Variants in ERG observed in about 807,000 individuals in gnomAD.
ERG encodes the protein ETS transcription factor ERG, also known as transcriptional regulator ERG.
ERG carries 9 observed loss-of-function variants against 55.3 expected under a neutral mutation model. The ratio of observed to expected loss-of-function variants is 0.16; its 90% CI spans 0.10 to 0.28. ERG has a LOEUF of 0.28. ERG is among the 10% of genes least tolerant of loss of function. The pLI is 1.00. For missense variants in ERG, 434 were observed against 631.6 expected (o/e 0.69, Z 3.35); for synonymous variants, 223 against 237.3 (o/e 0.94, Z 0.55).
At chr21:38,374,050 C>T in the ERG span, among the ~76,000 whole-genome samples, 2 of 152,064 alleles carry the variant, frequency 1.3e-5, no homozygotes, top group African/African-American at 2.4e-5. Context: ...AATCTCTACC[C>T]AAGGAAGAGA....
intron 1 of ERG, chr21:38,474,218 C>CGGCAT: frequency 6.6e-6 from 1 of 151,784 alleles, no homozygotes; most frequent in East Asian, 1.9e-4. Context: ...ACCCTCTCCA[C>CGGCAT]GGCATTTACT....
intron 2 of ERG, among the ~76,000 whole-genome samples, chr21:38,522,147 G>A (rs1026583375): frequency 5.3e-5 from 8 of 152,036 alleles, no homozygotes; most frequent in African/African-American, 1.9e-4. Flanking sequence ...CTTCCTATGA[G>A]TAAGCCCCCA....
intron 2 of ERG, among the ~76,000 whole-genome samples, chr21:38,571,470 C>A (rs2059957132): frequency 6.6e-6 from 1 of 151,796 alleles, no homozygotes; most frequent in East Asian, 1.9e-4. Flanking sequence ...ATAATCATAC[C>A]ACTGCACTCC....
At chr21:38,606,926 A>G (rs2060199896) in intron 1 of ERG, among the ~76,000 whole-genome samples, 1 of 152,134 alleles carries the variant, frequency 6.6e-6, no homozygotes, top group Non-Finnish European at 1.5e-5. Context: ...AAGAAATGAG[A>G]CTTCAGATTT....
At chr21:38,494,194 C>G (rs2059361641) in intron 1 of ERG, among the ~76,000 whole-genome samples, 2 of 152,168 alleles carry the variant, frequency 1.3e-5, no homozygotes, top group African/African-American at 4.8e-5. Context: ...ATCCCCAGGC[C>G]AGGGAGCAGT....
At chr21:38,387,958 A>C (rs1987779336) in intron 9 of ERG, among the ~76,000 whole-genome samples, 1 of 152,186 alleles carries the variant, frequency 6.6e-6, no homozygotes, top group Non-Finnish European at 1.5e-5. Flanking sequence ...ATGCTTAATC[A>C]CTGCGCAAAC....
intron 2 of ERG, among the ~76,000 whole-genome samples, chr21:38,518,201 A>G (rs2059566242): frequency 6.6e-6 from 1 of 152,034 alleles, no homozygotes; most frequent in South Asian, 2.1e-4. Flanking sequence ...CATGTAACAA[A>G]CTATCACATG....
intron 2 of ERG, among the ~76,000 whole-genome samples, chr21:38,537,679 T>C (rs2059721524): frequency 6.6e-6 from 1 of 152,186 alleles, no homozygotes; most frequent in South Asian, 2.1e-4. Flanking sequence ...TTACAAGTGC[T>C]GGTGGAGATA....
chr21:38,370,574 A>C, the ERG span, among the ~76,000 whole-genome samples: 4 of 152,080 alleles, frequency 2.6e-5, no homozygotes, highest in Non-Finnish European at 1.5e-5. Context: ...TAAATCCTTA[A>C]TCATATATGT....
At chr21:38,611,562 CT>C (rs1244914760) in intron 1 of ERG, among the ~76,000 whole-genome samples, 1 of 152,182 alleles carries the variant, frequency 6.6e-6, no homozygotes, top group African/African-American at 2.4e-5. Context: ...TAGCTCCCGG[CT>C]CCCCCTTCGC....
chr21:38,609,094 C>A (rs774739647), intron 1 of ERG, among the ~76,000 whole-genome samples: 1 of 152,066 alleles, frequency 6.6e-6, no homozygotes, highest in Non-Finnish European at 1.5e-5. Flanking sequence ...TTTATTAGAC[C>A]AGATCAGACT....
At chr21:38,634,302 A>C (rs1039271450) in intron 1 of ERG, among the ~76,000 whole-genome samples, 3 of 152,182 alleles carry the variant, frequency 2.0e-5, no homozygotes, top group African/African-American at 7.2e-5. Flanking sequence ...TCACTGTGTT[A>C]TTCGAGGAGG....
chr21:38,431,571 A>C (rs1990213671), intron 2 of ERG, among the ~76,000 whole-genome samples: 1 of 152,222 alleles, frequency 6.6e-6, no homozygotes, highest in South Asian at 2.1e-4. Context: ...AAAGCAGCCC[A>C]CTGAGTAAGC....
At chr21:38,522,051 T>C (rs558409069) in intron 2 of ERG, among the ~76,000 whole-genome samples, 2 of 152,346 alleles carry the variant, frequency 1.3e-5, no homozygotes, top group African/African-American at 4.8e-5. Flanking sequence ...AGCTGTATCA[T>C]ACAAAAATTG....
At chr21:38,593,637 G>T (rs1310293139) in intron 1 of ERG, among the ~76,000 whole-genome samples, 2 of 151,752 alleles carry the variant, frequency 1.3e-5, no homozygotes, top group Non-Finnish European at 2.9e-5. Context: ...AACAATACTG[G>T]ACAGAAAAAA....
rs1026450009 is a variant in ERG at position 38,390,931 on chromosome 21, C to T, written c.919+64G>A. 3.0e-5 allele frequency: 40 copies of T among 1,344,322 alleles called. No homozygotes were observed. In the Admixed American group the frequency reaches 6.8e-4, roughly 23 times the overall value. The allele number at this position is 1,344,322 out of a possible 1,614,324, so 83.3% of individuals were successfully genotyped here. ...GGAATTTCTCACCAATACCAATTTACTTTTCAAAATAACCACTGCCAAAAA... is the reference window on the plus strand; with the variant it reads ...GGAATTTCTCACCAATACCAATTTATTTTTCAAAATAACCACTGCCAAAAA... On this transcript the variant is annotated intron_variant, in intron 9 of 9. Coordinates refer to ENST00000288319, the MANE Select transcript of ERG (RefSeq NM_182918.4).
intron 2 of ERG, among the ~76,000 whole-genome samples, chr21:38,549,992 T>C (rs2059813691): frequency 6.6e-6 from 1 of 152,136 alleles, no homozygotes; most frequent in Non-Finnish European, 1.5e-5. Context: ...AAATAGGAAC[T>C]TAGTTGCCTA....
chr21:38,492,282 C>T (rs1007676576), intron 1 of ERG, among the ~76,000 whole-genome samples: 1 of 152,144 alleles, frequency 6.6e-6, no homozygotes, highest in Non-Finnish European at 1.5e-5. Context: ...GGACTTGGCA[C>T]ATAACAAGCA....
At chr21:38,466,420 T>C (rs1408910265) in intron 1 of ERG, among the ~76,000 whole-genome samples, 1 of 151,896 alleles carries the variant, frequency 6.6e-6, no homozygotes, top group Non-Finnish European at 1.5e-5. Flanking sequence ...ATCACTCTTA[T>C]TTAGGTAGGC....
Sources: gnomAD v4.1 joint callset for allele counts (sites outside exome capture counted in the v4.1 genomes callset) on GRCh38, gnomAD v4.1.1 for gene constraint, MANE v1.5 for transcripts, NCBI Gene and HGNC (gene_info 2026-07-23, HGNC 2026-07-21) for gene names.